RTN4RL2: variants seen among roughly 807,000 people sequenced by gnomAD.
RTN4RL2 encodes reticulon 4 receptor like 2, also known as reticulon-4 receptor-like 2.
RTN4RL2 carries 9 observed loss-of-function variants against 27.8 expected under a neutral mutation model. The ratio of observed to expected loss-of-function variants is 0.32; its 90% CI spans 0.20 to 0.57. The LOEUF (loss-of-function observed/expected upper bound fraction) is 0.57. RTN4RL2 is among the 20% of genes least tolerant of loss of function. The probability of loss-of-function intolerance (pLI) is 0.90; values close to 1 mark genes in which losing one functional copy is unlikely to be tolerated. For missense variants in RTN4RL2, 436 were observed against 596.8 expected (o/e 0.73, Z 2.81); for synonymous variants, 285 against 297.9 (o/e 0.96, Z 0.45).
intron 2 of RTN4RL2, among the ~76,000 whole-genome samples, chr11:57,468,313 C>CCT (rs148108471): frequency 6.6e-6 from 1 of 150,812 alleles, no homozygotes; most frequent in African/African-American, 2.4e-5. Flanking sequence ...CCTTGCTGTT[C>CCT]CTCTCTCTCT....
At chr11:57,470,118 C>A (rs1194819210) in intron 2 of RTN4RL2, among the ~76,000 whole-genome samples, 2 of 152,208 alleles carry the variant, frequency 1.3e-5, no homozygotes, top group Non-Finnish European at 2.9e-5. Flanking sequence ...TTTTTGAAAG[C>A]ACACAGTTTG....
rs1943536675 is a variant in RTN4RL2, at chr11:57,467,753, C to T, written c.176C>T (p.Pro59Leu). 2 of 1,613,980 alleles carry T rather than the reference C, an allele frequency of 1.2e-6. No homozygotes were observed. Among genetic ancestry groups the T allele is most frequent in the Non-Finnish European group, 1.7e-6 (2 of 1,180,014 alleles). Residue 59 changes from proline (P) to leucine (L), a missense_variant, in exon 2 of 3, where the codon CCA (proline) becomes CTA (leucine). Pro to Leu is a moderately conservative substitution (Grantham distance 98). Coordinates refer to ENST00000335099, the MANE Select transcript of RTN4RL2 (RefSeq NM_178570.3). The surrounding 1 kb of genome is among the most constrained non-coding windows in gnomAD (Gnocchi z 5.5). ...NNFSSVPLSL[P>L]PSTQRLFLQN... ...TTCTCCTCTGTGCCGCTGTCCCTGC[C>T]ACCCAGCACTCAGCGACTCTTCCTG...
Position 57,467,525 on chromosome 11 carries a change from T to A in RTN4RL2, c.32-84T>A. 1 of 1,529,876 alleles carries A rather than the reference T, an allele frequency of 6.5e-7. No homozygotes were observed. The highest frequency in any genetic ancestry group is 8.7e-7 in the Non-Finnish European group (1 of 1,143,632). 94.8% of individuals were successfully genotyped at this position (1,529,876 alleles called of 1,614,324 possible). On this transcript the variant is annotated intron_variant, in intron 1 of 2. Transcript: ENST00000335099. The surrounding 1 kb of genome is among the most constrained non-coding windows in gnomAD (Gnocchi z 5.5). ...CACCATATTCAGCCGGGTCTAGGCC[T>A]TTTACCAAGTTGGGGGGCTGGCCCC...
At chr11:57,473,132 AC>A (rs1171853058) in intron 2 of RTN4RL2, among the ~76,000 whole-genome samples, 4 of 152,182 alleles carry the variant, frequency 2.6e-5, no homozygotes, top group Non-Finnish European at 5.9e-5. Context: ...TGACGATGAT[AC>A]CCATCCTAGA....
At chr11:57,465,464 G>T (rs1305455682) in intron 1 of RTN4RL2, among the ~76,000 whole-genome samples, 1 of 152,198 alleles carries the variant, frequency 6.6e-6, no homozygotes, top group Non-Finnish European at 1.5e-5. Flanking sequence ...TCAGAGTGCA[G>T]AAACAAGTCT....
chr11:57,476,293 G>A lies in RTN4RL2; in HGVS notation c.645G>A (p.Leu215=). ...GGCTGCTGCTGCACGGGAACCGGCT[G>A]CAGGGCGTGCACCGCGCGGCCTTCC... is the stretch of plus-strand genomic sequence containing the variant. ...LDRLLLHGNR[L]QGVHRAAFRG... Residue 215 remains leucine, a synonymous_variant, in exon 3 of 3, where the codon CTG becomes CTA. Coordinates refer to ENST00000335099, the MANE Select transcript of RTN4RL2 (RefSeq NM_178570.3). This position sits in a 1 kb window ranked among gnomAD's most constrained non-coding sequence, Gnocchi z 8.2. 1 of 1,612,136 alleles carries A rather than the reference G, an allele frequency of 6.2e-7. No individual in the cohort carries two copies. Among genetic ancestry groups the A allele is most frequent in the South Asian group, 1.1e-5 (1 of 90,990 alleles).
At chr11:57,468,799 A>T in intron 2 of RTN4RL2, 1 of 1,426,512 alleles carries the variant, frequency 7.0e-7, no homozygotes, top group African/African-American at 1.4e-5. Flanking sequence ...AATCTCTGTT[A>T]TGCAGCTGGA....
chr11:57,476,088 C>A lies in RTN4RL2; in HGVS notation c.514-74C>A. Reference sequence around the variant, plus strand: ...CGGTGCACCCCCTTCCCTCCCCCGGCCAAGGCCCCAGCGGGGTCTGCACCC... The same window carrying A: ...CGGTGCACCCCCTTCCCTCCCCCGGACAAGGCCCCAGCGGGGTCTGCACCC... On this transcript the variant is annotated intron_variant, in intron 2 of 2. Coordinates refer to ENST00000335099, the MANE Select transcript of RTN4RL2 (RefSeq NM_178570.3). The surrounding 1 kb of genome is among the most constrained non-coding windows in gnomAD (Gnocchi z 8.2). 6.9e-7 allele frequency: 1 copy of A among 1,447,888 alleles called. No individual in the cohort carries two copies. The highest frequency in any genetic ancestry group is 9.4e-7 in the Non-Finnish European group (1 of 1,067,472). The allele number at this position is 1,447,888 out of a possible 1,614,324, so 89.7% of individuals were successfully genotyped here.
rs1208168508 is a variant in RTN4RL2 at position 57,468,002 on chromosome 11, A to T, written c.425A>T (p.Gln142Leu). 6.2e-7 allele frequency: 1 copy of T among 1,604,230 alleles called. No individual in the cohort carries two copies. The highest frequency in any genetic ancestry group is 1.7e-5 in the Admixed American group (1 of 60,014). Residue 142 changes from glutamine (Q) to leucine (L), a missense_variant, in exon 2 of 3, where the codon CAG (glutamine) becomes CTG (leucine). Gln to Leu is a moderately radical substitution (Grantham distance 113, BLOSUM62 -2). Transcript: ENST00000335099. Reference sequence around the variant, plus strand: ...CAGTCGCTGCATTTGTACCGCTGCCAGCTCAGCAGCCTGCCCGGCAACATC... The same window carrying T: ...CAGTCGCTGCATTTGTACCGCTGCCTGCTCAGCAGCCTGCCCGGCAACATC... ...RLQSLHLYRC[Q>L]LSSLPGNIFR... is the part of the protein sequence containing the mutation.
chr11:57,476,420 C>T lies in RTN4RL2; in HGVS notation c.772C>T (p.Leu258Phe). Residue 258 changes from leucine to phenylalanine, a missense_variant, in exon 3 of 3, where the codon CTC becomes TTC. Physicochemically the swap from Leu to Phe is conservative, Grantham distance 22 (BLOSUM62 0). Around this residue, in one of 3 missense-constraint regions of RTN4RL2, gnomAD observed 365 missense variants for 530.5 expected, o/e 0.69. Transcript: ENST00000335099. This position sits in a 1 kb window ranked among gnomAD's most constrained non-coding sequence, Gnocchi z 8.2. ...CCTGCCCTCGCTCGAGTTCCTGCGG[C>T]TCAACGCTAACCCCTGGGCGTGCGA... ...ADLPSLEFLRLNANPWACDCR... is the reference protein window; with the variant it reads ...ADLPSLEFLRFNANPWACDCR... The T allele has an allele frequency of 6.3e-7, 1 of 1,598,732 alleles. No individual in the cohort carries two copies. Among genetic ancestry groups the T allele is most frequent in the Non-Finnish European group, 8.5e-7 (1 of 1,177,782 alleles).
In RTN4RL2 at chr11:57,477,015, C is replaced by T. The variant is rs1943602533; in HGVS notation, c.*104C>T. 8 of 1,193,030 alleles carry T rather than the reference C, an allele frequency of 6.7e-6. No homozygotes were observed. Among genetic ancestry groups the T allele is most frequent in the African/African-American group, 1.6e-5 (1 of 62,604 alleles). 73.9% of individuals were successfully genotyped at this position (1,193,030 alleles called of 1,614,324 possible). ...GCCCCACCTTCCCTGGCCTTGCTGC[C>T]TCCCTTTCCCCTCCCAGCTCCTCTC... On this transcript the variant is annotated 3_prime_UTR_variant, in exon 3 of 3. Transcript: ENST00000335099.
intron 2 of RTN4RL2, among the ~76,000 whole-genome samples, chr11:57,474,457 G>A (rs1340912585): frequency 3.9e-5 from 6 of 152,170 alleles, no homozygotes; most frequent in Non-Finnish European, 7.4e-5. Flanking sequence ...GGAGGAAAGC[G>A]TCTCCCCAGG....
At position 57,467,376 on chromosome 11, in the gene RTN4RL2, A is replaced by G. The variant is rs1943533812; in HGVS notation, c.32-233A>G. ...CAGGCACATGCCACCATGCCTGGCT[A>G]ATTTTTTTTTTTTTCTTGTAAAGAC... On this transcript the variant is annotated intron_variant, in intron 1 of 2. Coordinates refer to ENST00000335099, the MANE Select transcript of RTN4RL2 (RefSeq NM_178570.3). The surrounding 1 kb of genome is among the most constrained non-coding windows in gnomAD (Gnocchi z 5.5). Among the ~76,000 whole-genome samples the G allele has an allele frequency of 6.7e-6, 1 of 149,828 alleles. No individual in the cohort carries two copies. Among genetic ancestry groups the G allele is most frequent in the African/African-American group, 2.5e-5 (1 of 40,074 alleles).
In RTN4RL2 at chr11:57,476,466, G is replaced by A; in HGVS notation, c.818G>A (p.Trp273Ter). 6.4e-7 allele frequency: 1 copy of A among 1,551,762 alleles called. No individual in the cohort carries two copies. The highest frequency in any genetic ancestry group is 8.6e-7 in the Non-Finnish European group (1 of 1,160,050). Reference protein sequence around the residue: ...WACDCRARPLWAWFQRARVSS... With the variant: ...WACDCRARPL ...TGCGACTGCCGCGCGCGGCCGCTCTGGGCCTGGTTCCAGCGCGCGCGCGTG... is the reference window on the plus strand; with the variant it reads ...TGCGACTGCCGCGCGCGGCCGCTCTAGGCCTGGTTCCAGCGCGCGCGCGTG... Residue 273 changes from tryptophan (W) to a stop codon, truncating the protein, a stop_gained, in exon 3 of 3, where the codon TGG (tryptophan) becomes TAG (stop). Transcript: ENST00000335099. LOFTEE classifies it high-confidence loss of function. The surrounding 1 kb of genome is among the most constrained non-coding windows in gnomAD (Gnocchi z 8.2).
In RTN4RL2 at chr11:57,476,881, C is replaced by G. The variant is rs1448148822; in HGVS notation, c.1233C>G (p.Cys411Trp). The G allele has an allele frequency of 1.3e-6, 2 of 1,575,172 alleles. No homozygotes were observed. The highest frequency in any genetic ancestry group is 1.7e-6 in the Non-Finnish European group (2 of 1,168,008). Residue 411 changes from cysteine (C) to tryptophan (W), a missense_variant, in exon 3 of 3, where the codon TGC becomes TGG. By Grantham distance (215) the Cys-to-Trp change is radical. Around this residue, in one of 3 missense-constraint regions of RTN4RL2, gnomAD observed 11 missense variants for 23.4 expected, o/e 0.47. Transcript: ENST00000335099. This position sits in a 1 kb window ranked among gnomAD's most constrained non-coding sequence, Gnocchi z 8.2. Reference sequence around the variant, plus strand: ...CCGGGCTCCCCAGCCCTCTGCTTTGCCTCCTGCTCCTGGTGCCCCACCACC... The same window carrying G: ...CCGGGCTCCCCAGCCCTCTGCTTTGGCTCCTGCTCCTGGTGCCCCACCACC... ...LSAGLPSPLL[C>W]LLLLVPHHL
intron 2 of RTN4RL2, 114 bp downstream of exon 2, chr11:57,468,204 G>T (rs1454136633): frequency 9.2e-7 from 1 of 1,089,760 alleles, no homozygotes; most frequent in East Asian, 2.4e-5. Context: ...CACCCTTCCT[G>T]CCTCAGCATC....
intron 2 of RTN4RL2, among the ~76,000 whole-genome samples, chr11:57,474,214 G>A (rs1006376810): frequency 1.3e-5 from 2 of 152,150 alleles, no homozygotes; most frequent in African/African-American, 2.4e-5. Context: ...AGCAGGGGGC[G>A]GAGAATGGTG....
At chr11:57,466,263 C>T (rs1270323278) in intron 1 of RTN4RL2, among the ~76,000 whole-genome samples, 1 of 152,004 alleles carries the variant, frequency 6.6e-6, no homozygotes, top group South Asian at 2.1e-4. Flanking sequence ...CCTCAGACTC[C>T]CAAAGTGCTG....
intron 1 of RTN4RL2, among the ~76,000 whole-genome samples, chr11:57,464,120 A>C (rs1008772730): frequency 8.5e-5 from 13 of 152,220 alleles, no homozygotes; most frequent in Non-Finnish European, 1.9e-4. Context: ...AGGGACCACT[A>C]TCATGGGCTG....
Sources: gnomAD v4.1 joint callset for allele counts (sites outside exome capture counted in the v4.1 genomes callset) on GRCh38, gnomAD v4.1.1 for gene constraint, gnomAD v4.1.1 regional missense constraint, Gnocchi (gnomAD v3.1) non-coding constraint, MANE v1.5 for transcripts, NCBI Gene and HGNC (gene_info 2026-07-23, HGNC 2026-07-21) for gene names.